HERC4: variants seen among roughly 807,000 people sequenced by gnomAD.
HERC4 encodes the protein probable E3 ubiquitin-protein ligase HERC4.
A neutral mutation model predicts 124.3 loss-of-function variants in HERC4; 28 were observed. That is an observed-to-expected ratio of 0.23 (90% CI 0.17 to 0.31). HERC4 has a LOEUF of 0.31. Ranked by LOEUF, HERC4 falls within the 10% of genes least tolerant of loss-of-function variation. The pLI is 1.00. For synonymous variants in HERC4, 407 were observed against 421.5 expected, an observed-to-expected ratio of 0.97 and a Z score of 0.42; for missense variants, 713 against 1,229.3, an observed-to-expected ratio of 0.58 and a Z score of 6.28.
chr10:68,006,441 A>G (rs1353747049), intron 9 of HERC4, among the ~76,000 whole-genome samples: 5 of 148,828 alleles, frequency 3.4e-5, no homozygotes, highest in Non-Finnish European at 7.4e-5. Flanking sequence ...GTGCGATCTC[A>G]GCTCACTGCA....
Position 68,028,072 on chromosome 10 carries a change from G to T in HERC4, c.778-2396C>A, listed in dbSNP as rs979328559. On this transcript the variant is annotated intron_variant, in intron 7 of 24. Coordinates refer to ENST00000373700, the MANE Select transcript of HERC4 (RefSeq NM_015601.4). The stretch of plus-strand genomic sequence containing the variant: ...CATTAGGTTTAATGGTCTTTGCCTA[G>T]ATCCATTATTTCATCAGGGAGTGTA... Among the ~76,000 whole-genome samples the T allele has an allele frequency of 3.4e-5, 5 of 149,224 alleles. No individual in the cohort carries two copies. The East Asian group carries it at 7.8e-4, about 23-fold the overall frequency.
At chr10:68,073,889 A>G (rs1281473356) in intron 1 of HERC4, 1 of 150,380 alleles carries the variant, frequency 6.6e-6, no homozygotes, top group East Asian at 2.1e-4. Context: ...ATCAATGTGC[A>G]TAATTATAAT....
chr10:68,063,095 G>T (rs1296851730), intron 3 of HERC4, among the ~76,000 whole-genome samples: 1 of 151,744 alleles, frequency 6.6e-6, no homozygotes, highest in Non-Finnish European at 1.5e-5. Flanking sequence ...GTAACACTTA[G>T]CATATTTTAA....
At chr10:67,936,065 G>A in intron 22 of HERC4, 88 bp downstream of exon 22, 3 of 789,140 alleles carry the variant, frequency 3.8e-6, no homozygotes, top group South Asian at 4.2e-5. Flanking sequence ...TGGAGTAAAA[G>A]CTTAGGGTTG....
intron 11 of HERC4, among the ~76,000 whole-genome samples, chr10:67,991,599 G>A (rs1185054525): frequency 1.3e-5 from 2 of 152,070 alleles, no homozygotes; most frequent in African/African-American, 2.4e-5. Flanking sequence ...TGGAAAACAA[G>A]CTAGAGAAAC....
intron 3 of HERC4, among the ~76,000 whole-genome samples, chr10:68,051,825 A>C (rs2040327643): frequency 6.6e-6 from 1 of 150,822 alleles, no homozygotes; most frequent in Non-Finnish European, 1.5e-5. Flanking sequence ...AGTAGCTGAG[A>C]CTACAGGCTA....
intron 3 of HERC4, among the ~76,000 whole-genome samples, chr10:68,048,101 T>A (rs145582101): frequency 6.6e-6 from 1 of 151,806 alleles, no homozygotes; most frequent in Non-Finnish European, 1.5e-5. Flanking sequence ...TAATTTCTTG[T>A]AGCAACAGGG....
chr10:67,963,694 C>G (rs1017112648), intron 16 of HERC4, among the ~76,000 whole-genome samples: 1 of 152,104 alleles, frequency 6.6e-6, no homozygotes, highest in Non-Finnish European at 1.5e-5. Context: ...GTTCTGAATC[C>G]TTTCAAAAAC....
At chr10:68,056,190 T>A (rs1482929381) in intron 3 of HERC4, among the ~76,000 whole-genome samples, 1 of 152,218 alleles carries the variant, frequency 6.6e-6, no homozygotes, top group Admixed American at 6.5e-5. Context: ...TTCAATTTCT[T>A]TCAAAGACAA....
chr10:67,925,171 C>T lies in HERC4; in HGVS notation c.2855G>A (p.Gly952Glu). 6.3e-7 allele frequency: 1 copy of T among 1,584,528 alleles called. No homozygotes were observed. Among genetic ancestry groups the T allele is most frequent in the Non-Finnish European group, 8.7e-7 (1 of 1,153,632 alleles). The change falls in exon 24 of 25, where the codon GGG becomes GAG. Residue 952 changes from glycine to glutamate, a missense_variant. Gly to Glu is a moderately conservative substitution (Grantham distance 98). Coordinates refer to ENST00000373700, the MANE Select transcript of HERC4 (RefSeq NM_015601.4). ...CGTAGGATGTTCTGCCCAATATTCC[C>T]CTTTGTATTCTGTATTCTAAAAACA... is the stretch of plus-strand genomic sequence containing the variant. Reference protein sequence around the residue: ...KELEKNTEYKGEYWAEHPTIK... With the variant: ...KELEKNTEYKEEYWAEHPTIK...
At chr10:68,064,583 A>C (rs1262331230) in intron 3 of HERC4, among the ~76,000 whole-genome samples, 2 of 150,480 alleles carry the variant, frequency 1.3e-5, no homozygotes, top group Admixed American at 1.3e-4. Context: ...AAAAAGAGAG[A>C]GAGAGAAAAA....
intron 22 of HERC4, among the ~76,000 whole-genome samples, chr10:67,933,736 A>G (rs1028712522): frequency 1.3e-5 from 2 of 152,220 alleles, no homozygotes; most frequent in African/African-American, 4.8e-5. Context: ...CAATCCTAAT[A>G]GCCAACATTT....
chr10:68,004,832 C>A (rs10823124), intron 9 of HERC4, among the ~76,000 whole-genome samples: 12,864 of 152,172 alleles, frequency 0.085, 1,014 homozygotes, highest in East Asian at 0.4. Context: ...ATTACAAGAA[C>A]AGCATGCAGG....
At chr10:67,935,808 G>C (rs990952426) in intron 22 of HERC4, among the ~76,000 whole-genome samples, 26 of 152,162 alleles carry the variant, frequency 1.7e-4, no homozygotes, top group African/African-American at 6.0e-4. Flanking sequence ...ATTTTCTAAA[G>C]GTATGTTTTA....
intron 3 of HERC4, 127 bp downstream of exon 3, chr10:68,072,756 C>T (rs1310223127): frequency 4.8e-6 from 3 of 618,766 alleles, no homozygotes; most frequent in African/African-American, 1.9e-5. Flanking sequence ...AATGGAAATA[C>T]ATAACTTCTA....
At chr10:67,954,801 C>G in intron 18 of HERC4, 63 bp from the exon 19 acceptor site, 2 of 1,462,164 alleles carry the variant, frequency 1.4e-6, no homozygotes, top group Non-Finnish European at 1.9e-6. Flanking sequence ...TTCTGGAGAC[C>G]CTAGAACATG....
intron 8 of HERC4, among the ~76,000 whole-genome samples, chr10:68,019,167 T>A (rs2038454344): frequency 6.6e-6 from 1 of 152,012 alleles, no homozygotes. Flanking sequence ...CGACTAATTT[T>A]GTATTTTTAG....
intron 8 of HERC4, among the ~76,000 whole-genome samples, chr10:68,020,625 C>T (rs61857516): frequency 0.062 from 9,477 of 151,706 alleles, 421 homozygotes; most frequent in Non-Finnish European, 0.098. Flanking sequence ...AAAAATTAGC[C>T]GGGCGTAGTG....
chr10:67,952,605 T>C (rs2033871432), intron 19 of HERC4, among the ~76,000 whole-genome samples: 1 of 150,154 alleles, frequency 6.7e-6, no homozygotes, highest in South Asian at 2.2e-4. Context: ...TCTTAAAGAC[T>C]CATAAATTGG....
Sources: gnomAD v4.1 joint callset for allele counts (sites outside exome capture counted in the v4.1 genomes callset) on GRCh38, gnomAD v4.1.1 for gene constraint, MANE v1.5 for transcripts, NCBI Gene and HGNC (gene_info 2026-07-23, HGNC 2026-07-21) for gene names.